Variants in PACS1 observed in about 807,000 individuals in gnomAD.
PACS1 encodes phosphofurin acidic cluster sorting protein 1.
In PACS1, 24 loss-of-function variants were observed where a neutral mutation model predicts 115.0. The ratio of observed to expected loss-of-function variants is 0.21; its 90% CI spans 0.15 to 0.29. The LOEUF is 0.29. Among genes scored for constraint, PACS1 ranks in the 10% least tolerant of loss-of-function variants. The pLI, the probability that PACS1 is intolerant of heterozygous loss-of-function variation, is 1.00. For missense variants in PACS1, 838 were observed against 1,251.2 expected (o/e 0.67, Z 4.98); for synonymous variants, 453 against 504.5 (o/e 0.90, Z 1.37).
chr11:66,096,662 C>T (rs12419425), intron 1 of PACS1, among the ~76,000 whole-genome samples: 24,477 of 151,706 alleles, frequency 0.16, 2,651 homozygotes, highest in Admixed American at 0.3. Context: ...CGCCACCATG[C>T]CTGGCTAATT....
intron 1 of PACS1, among the ~76,000 whole-genome samples, chr11:66,097,328 ACTCT>A (rs1384940399): frequency 6.6e-6 from 1 of 150,856 alleles, no homozygotes; most frequent in African/African-American, 2.4e-5. Context: ...TTGTGAGGAG[ACTCT>A]CTCCCTTGCT....
intron 1 of PACS1, chr11:66,121,183 A>G: frequency 4.7e-6 from 2 of 427,818 alleles, no homozygotes; most frequent in South Asian, 1.6e-5. Context: ...GGTTACGGTG[A>G]TCAGTGGTCT....
At chr11:66,176,415 A>ATTT (rs11424379) in intron 1 of PACS1, among the ~76,000 whole-genome samples, 97 of 143,146 alleles carry the variant, frequency 6.8e-4, no homozygotes, top group African/African-American at 2.3e-3. Context: ...TAAGATCCAG[A>ATTT]TTTTTTTTTT....
intron 20 of PACS1, 111 bp downstream of exon 20, chr11:66,238,957 C>A: frequency 7.3e-7 from 1 of 1,378,954 alleles, no homozygotes; most frequent in South Asian, 1.2e-5. Flanking sequence ...GAAGTCAGAG[C>A]TTGAGCAGGA....
At chr11:66,204,893 G>T (rs1007961640) in intron 2 of PACS1, among the ~76,000 whole-genome samples, 1 of 152,146 alleles carries the variant, frequency 6.6e-6, no homozygotes, top group East Asian at 1.9e-4. Context: ...TGTAATCCTA[G>T]CACTTTGGGA....
At chr11:66,166,209 A>G (rs568069035) in intron 1 of PACS1, among the ~76,000 whole-genome samples, 49 of 152,108 alleles carry the variant, frequency 3.2e-4, no homozygotes, top group African/African-American at 1.1e-3. Context: ...GTGCAATGGC[A>G]TGGTCTCGGC....
At chr11:66,146,893 T>TA (rs1036574435) in intron 1 of PACS1, among the ~76,000 whole-genome samples, 1 of 151,914 alleles carries the variant, frequency 6.6e-6, no homozygotes, top group Non-Finnish European at 1.5e-5. Flanking sequence ...CCGTCTCTAC[T>TA]AAAAAATACA....
chr11:66,091,455 G>T (rs1230899322), intron 1 of PACS1, among the ~76,000 whole-genome samples: 1 of 151,408 alleles, frequency 6.6e-6, no homozygotes. Context: ...TTTATTTTTT[G>T]GTAGTCCAAA....
At chr11:66,125,907 G>A (rs189555614) in intron 1 of PACS1, among the ~76,000 whole-genome samples, 218 of 152,224 alleles carry the variant, frequency 1.4e-3, no homozygotes, top group African/African-American at 5.0e-3. Context: ...ATGCATGGCG[G>A]CGCATGCCTG....
intron 19 of PACS1, 94 bp from the exon 20 acceptor site, chr11:66,238,710 T>C: frequency 8.8e-7 from 1 of 1,136,220 alleles, no homozygotes; most frequent in Non-Finnish European, 1.3e-6. Context: ...TAATGTGTAG[T>C]GATGGCTCTT....
chr11:66,211,035 C>A, intron 3 of PACS1, 99 bp from the exon 4 acceptor site: 1 of 1,383,408 alleles, frequency 7.2e-7, no homozygotes, highest in Non-Finnish European at 1.0e-6. Context: ...CTTTTAGAGA[C>A]AGGAAGAATT....
intron 11 of PACS1, among the ~76,000 whole-genome samples, chr11:66,228,194 G>A (rs1401106306): frequency 2.0e-5 from 3 of 151,894 alleles, no homozygotes; most frequent in South Asian, 4.2e-4. Context: ...CTGGAGAAGC[G>A]ACATCTGAGC....
chr11:66,136,114 G>C (rs1238049176), intron 1 of PACS1, among the ~76,000 whole-genome samples: 1 of 152,208 alleles, frequency 6.6e-6, no homozygotes, highest in Admixed American at 6.5e-5. Context: ...AGATACGTAA[G>C]TACGTCCTAC....
chr11:66,101,205 A>G (rs1857910249), intron 1 of PACS1, among the ~76,000 whole-genome samples: 1 of 152,140 alleles, frequency 6.6e-6, no homozygotes, highest in East Asian at 1.9e-4. Flanking sequence ...AAAGTTTTAA[A>G]CACTTACATC....
Position 66,232,943 on chromosome 11 carries a change from C to T in PACS1, c.1732-17C>T, listed in dbSNP as rs1337365153. On this transcript the variant is annotated splice_polypyrimidine_tract_variant and intron_variant, in intron 14 of 23. Coordinates refer to ENST00000320580, the MANE Select transcript of PACS1 (RefSeq NM_018026.4). Reference sequence around the variant, plus strand: ...TGTTCTCACCTGTGTCCCTGCTCTCCTCCCTCCCTATCCCAGTATGTGGCT... The same window carrying T: ...TGTTCTCACCTGTGTCCCTGCTCTCTTCCCTCCCTATCCCAGTATGTGGCT... 2 of 1,589,524 alleles carry T rather than the reference C, an allele frequency of 1.3e-6. No homozygotes were observed. The highest frequency in any genetic ancestry group is 3.3e-5 in the Admixed American group (2 of 59,928).
At chr11:66,087,683 T>C (rs1857595872) in intron 1 of PACS1, among the ~76,000 whole-genome samples, 1 of 152,236 alleles carries the variant, frequency 6.6e-6, no homozygotes, top group Non-Finnish European at 1.5e-5. Context: ...TACAGTCCGC[T>C]GTTGATGGCT....
At chr11:66,111,503 A>G (rs1858185482) in intron 1 of PACS1, among the ~76,000 whole-genome samples, 1 of 152,170 alleles carries the variant, frequency 6.6e-6, no homozygotes, top group Admixed American at 6.5e-5. Flanking sequence ...CAGCATCACA[A>G]ATTTAATACA....
intron 4 of PACS1, among the ~76,000 whole-genome samples, 172 bp from the exon 5 acceptor site, chr11:66,215,945 AAT>A (rs1565150610): frequency 2.1e-5 from 3 of 144,248 alleles, no homozygotes; most frequent in African/African-American, 8.0e-5. Context: ...TAATAATAAT[AAT>A]AATAAACAAA....
At chr11:66,130,400 ATGTGTTATTTTTACAATACCATTATATT>A in intron 1 of PACS1, among the ~76,000 whole-genome samples, 5 of 152,230 alleles carry the variant, frequency 3.3e-5, no homozygotes, top group African/African-American at 1.2e-4. Context: ...CCAATTAAAA[ATGTGTTATTTTTACAATACCATTATATT>A]GACATTGCAA....
Sources: allele counts gnomAD v4.1 joint callset (sites outside exome capture counted in the v4.1 genomes callset), GRCh38; gene constraint gnomAD v4.1.1; transcripts MANE v1.5; gene names NCBI Gene and HGNC (gene_info 2026-07-23, HGNC 2026-07-21).